Variants in MAGI1 observed in about 807,000 individuals in gnomAD.
The protein encoded by MAGI1 is membrane associated guanylate kinase, WW and PDZ domain containing 1, also known as membrane-associated guanylate kinase, WW and PDZ domain-containing protein 1.
A neutral mutation model predicts 139.9 loss-of-function variants in MAGI1; 58 were observed. The ratio of observed to expected loss-of-function variants is 0.41; its 90% CI spans 0.34 to 0.52. The LOEUF is 0.52. Among genes scored for constraint, MAGI1 ranks in the 20% least tolerant of loss-of-function variants. The probability of loss-of-function intolerance (pLI) is 0.12; values close to 1 mark genes in which losing one functional copy is unlikely to be tolerated. For synonymous variants in MAGI1, 812 were observed against 737.9 expected (o/e 1.10, Z -1.63); for missense variants, 1,874 against 1,901.6 (o/e 0.99, Z 0.27).
At chr3:65,663,667 C>A (rs527664313) in intron 1 of MAGI1, among the ~76,000 whole-genome samples, 2 of 152,236 alleles carry the variant, frequency 1.3e-5, no homozygotes, top group East Asian at 3.9e-4. Flanking sequence ...CAGTGGCAGC[C>A]CTTGGGGAGC....
At chr3:65,983,769 G>C (rs1421233096) in intron 1 of MAGI1, among the ~76,000 whole-genome samples, 4 of 151,904 alleles carry the variant, frequency 2.6e-5, no homozygotes, top group African/African-American at 9.7e-5. Context: ...TTCCAGGGTG[G>C]GTAACTTTGC....
chr3:65,477,174 A>T (rs569478350), intron 4 of MAGI1, among the ~76,000 whole-genome samples: 10 of 152,336 alleles, frequency 6.6e-5, no homozygotes, highest in Non-Finnish European at 1.5e-4. Flanking sequence ...TGGCTATCCT[A>T]CTGCTATGAC....
chr3:65,394,338 G>C (rs183802749), intron 13 of MAGI1, among the ~76,000 whole-genome samples: 415 of 152,134 alleles, frequency 2.7e-3, no homozygotes, highest in Non-Finnish European at 4.1e-3. Context: ...ACTGCCTCTC[G>C]GTCAAACTGC....
chr3:65,503,447 G>A (rs2077161988), intron 2 of MAGI1, among the ~76,000 whole-genome samples: 1 of 152,116 alleles, frequency 6.6e-6, no homozygotes, highest in African/African-American at 2.4e-5. Flanking sequence ...TCTCAACTAT[G>A]ATAACAAAGG....
chr3:65,793,794 G>T (rs1270384804), intron 1 of MAGI1, among the ~76,000 whole-genome samples: 1 of 152,130 alleles, frequency 6.6e-6, no homozygotes, highest in Non-Finnish European at 1.5e-5. Context: ...ATCCAGTTAA[G>T]GAATAGATCA....
intron 1 of MAGI1, among the ~76,000 whole-genome samples, chr3:65,951,401 G>GTGA (rs1217478497): frequency 6.6e-6 from 1 of 152,178 alleles, no homozygotes. Flanking sequence ...TACTTTTTCA[G>GTGA]TGAAATTTTG....
intron 1 of MAGI1, among the ~76,000 whole-genome samples, chr3:65,962,259 CA>C (rs1223565568): frequency 6.6e-6 from 1 of 151,470 alleles, no homozygotes; most frequent in African/African-American, 2.4e-5. Flanking sequence ...GCTGGGACTA[CA>C]GGCACCCGCC....
intron 5 of MAGI1, among the ~76,000 whole-genome samples, chr3:65,456,265 C>G (rs1369477293): frequency 6.6e-6 from 1 of 152,122 alleles, no homozygotes; most frequent in Non-Finnish European, 1.5e-5. Flanking sequence ...TAATTTTTTC[C>G]CTAGGGCTGA....
At chr3:65,685,946 C>T (rs981308617) in intron 1 of MAGI1, among the ~76,000 whole-genome samples, 1 of 152,218 alleles carries the variant, frequency 6.6e-6, no homozygotes, top group African/African-American at 2.4e-5. Context: ...CAGGCCTCCA[C>T]TTAACACCCT....
intron 1 of MAGI1, among the ~76,000 whole-genome samples, chr3:65,738,001 G>A (rs771407038): frequency 6.6e-6 from 1 of 152,168 alleles, no homozygotes; most frequent in Admixed American, 6.5e-5. Flanking sequence ...TAGGCAACTA[G>A]TGCTTTCAAA....
chr3:65,401,389 C>A lies in MAGI1; in HGVS notation c.2199+50G>T, dbSNP rs757203170. 2.8e-5 allele frequency: 43 copies of A among 1,548,336 alleles called. 1 individual carries two copies. Among genetic ancestry groups the A allele is most frequent in the East Asian group, 7.0e-5 (3 of 42,648 alleles). On this transcript the variant is annotated intron_variant, in intron 13 of 22. Coordinates refer to ENST00000402939, the MANE Select transcript of MAGI1 (RefSeq NM_001033057.2). ...GAGTACCCTCCCACCTCCAGCCCCC[C>A]ACCATCCACCCCAGCCCCAACAAGC...
chr3:65,972,657 C>T (rs2065065145), intron 1 of MAGI1, among the ~76,000 whole-genome samples: 1 of 152,038 alleles, frequency 6.6e-6, no homozygotes, highest in Non-Finnish European at 1.5e-5. Context: ...TGGGTGAGAT[C>T]AGCTGCTAAC....
intron 1 of MAGI1, among the ~76,000 whole-genome samples, chr3:65,780,002 A>G (rs1344569575): frequency 1.5e-5 from 2 of 137,436 alleles, no homozygotes; most frequent in Non-Finnish European, 3.1e-5. Context: ...CTGAGATCTG[A>G]GAACATGCTA....
chr3:65,948,378 G>A (rs1342597673), intron 1 of MAGI1, among the ~76,000 whole-genome samples: 1 of 152,086 alleles, frequency 6.6e-6, no homozygotes, highest in Non-Finnish European at 1.5e-5. Context: ...CCTTTTCTTT[G>A]AGACTTTCTT....
At position 65,732,026 on chromosome 3, in the gene MAGI1, T is replaced by A. The variant is rs556710332; in HGVS notation, c.314-109938A>T. 2.8e-4 allele frequency among the ~76,000 whole-genome samples: 42 copies of A among 152,352 alleles called. 1 individual carries two copies. The South Asian group carries it at 8.3e-3, about 30-fold the overall frequency. On this transcript the variant is annotated intron_variant, in intron 1 of 22. Transcript: ENST00000402939. ...ATTCTATTTTAAGTATTATGAATAT[T>A]TTTCCCCTTTAAATTATATAGCTTC...
intron 1 of MAGI1, among the ~76,000 whole-genome samples, chr3:65,641,231 T>TG (rs1305067907): frequency 5.3e-5 from 8 of 152,172 alleles, no homozygotes; most frequent in African/African-American, 1.9e-4. Flanking sequence ...CTTGGGGTCC[T>TG]GGAATGTTCT....
At chr3:65,439,744 C>T in intron 9 of MAGI1, 135 bp downstream of exon 9, 4 of 1,525,810 alleles carry the variant, frequency 2.6e-6, no homozygotes, top group Non-Finnish European at 3.5e-6. Context: ...TTCCTCCCCA[C>T]AGGACATCAG....
At chr3:65,601,809 G>A (rs1054304203) in intron 2 of MAGI1, among the ~76,000 whole-genome samples, 1 of 142,998 alleles carries the variant, frequency 7.0e-6, no homozygotes, top group Non-Finnish European at 1.5e-5. Context: ...CACCAAGTTA[G>A]TGAAAAGACA....
intron 1 of MAGI1, among the ~76,000 whole-genome samples, chr3:65,622,552 CT>C (rs141522579): frequency 0.015 from 2,251 of 152,060 alleles, 60 homozygotes; most frequent in African/African-American, 0.052. Flanking sequence ...TTTACTACAG[CT>C]TTTTTTATTT....
Sources: allele counts gnomAD v4.1 joint callset (sites outside exome capture counted in the v4.1 genomes callset), GRCh38; gene constraint gnomAD v4.1.1; transcripts MANE v1.5; gene names NCBI Gene and HGNC (gene_info 2026-07-23, HGNC 2026-07-21).